The following CREB5 variants were observed in gnomAD, a reference collection of about 807,000 sequenced individuals.
CREB5 encodes the protein cyclic AMP-responsive element-binding protein 5.
Under a neutral mutation model 57.1 loss-of-function variants are expected in CREB5, and 19 were observed. The observed-to-expected ratio is 0.33, with a 90% confidence interval of 0.23 to 0.49. CREB5 has a LOEUF of 0.49. CREB5 is among the 20% of genes least tolerant of loss of function. The probability of loss-of-function intolerance (pLI) is 0.99; values close to 1 mark genes in which losing one functional copy is unlikely to be tolerated. For synonymous variants in CREB5, 238 were observed against 238.3 expected (o/e 1.00, Z 0.01); for missense variants, 579 against 671.6 (o/e 0.86, Z 1.52).
intron 4 of CREB5, among the ~76,000 whole-genome samples, chr7:28,521,892 C>T (rs1219609769): frequency 6.6e-6 from 1 of 152,074 alleles, no homozygotes; most frequent in Non-Finnish European, 1.5e-5. Flanking sequence ...TCACACTTTC[C>T]AAGAGAGAGA....
At chr7:28,418,308 TG>T (rs1325813213) in intron 1 of CREB5, among the ~76,000 whole-genome samples, 7 of 152,214 alleles carry the variant, frequency 4.6e-5, no homozygotes, top group Admixed American at 2.0e-4. Context: ...TTAATATACC[TG>T]TTTTTTATAA....
intron 2 of CREB5, 52 bp downstream of exon 2, chr7:28,488,298 G>A: frequency 6.4e-7 from 1 of 1,550,818 alleles, no homozygotes; most frequent in Non-Finnish European, 8.9e-7. Flanking sequence ...CTTTCCGAAA[G>A]GGAAGCAACT....
At chr7:28,555,748 CT>C (rs909923557) in intron 4 of CREB5, among the ~76,000 whole-genome samples, 29 of 152,204 alleles carry the variant, frequency 1.9e-4, no homozygotes, top group South Asian at 1.9e-3. Context: ...GTTACAAAGC[CT>C]TTTGTCCAGG....
intron 7 of CREB5, among the ~76,000 whole-genome samples, chr7:28,799,923 A>G (rs1808265926): frequency 6.6e-6 from 1 of 152,204 alleles, no homozygotes; most frequent in Non-Finnish European, 1.5e-5. Context: ...CAAGATTAAA[A>G]TGCTGCATTT....
chr7:28,336,208 T>A lies in CREB5; in HGVS notation c.-25+36767T>A, dbSNP rs113849330. On this transcript the variant is annotated intron_variant, in intron 1 of 9. Transcript: ENST00000396299. ...TTTGTATAAGGGTAATACTGGCCTC[T>A]TAGAATTAGTTTGAAAGTATTCTCT... 6.3e-3 allele frequency among the ~76,000 whole-genome samples: 965 copies of A among 152,180 alleles called. 5 individuals carry two copies. The highest frequency in any genetic ancestry group is 0.022 in the African/African-American group (910 of 41,570).
intron 5 of CREB5, among the ~76,000 whole-genome samples, chr7:28,591,095 A>G (rs963210122): frequency 1.3e-5 from 2 of 152,126 alleles, no homozygotes; most frequent in Non-Finnish European, 2.9e-5. Context: ...TCTCACATAA[A>G]ATGTCTACTT....
intron 5 of CREB5, among the ~76,000 whole-genome samples, chr7:28,684,936 C>T (rs554400660): frequency 1.3e-5 from 2 of 152,056 alleles, no homozygotes; most frequent in East Asian, 1.9e-4. Context: ...TTGTCATTGT[C>T]GTGGTGGAGC....
intron 1 of CREB5, among the ~76,000 whole-genome samples, chr7:28,370,943 G>A (rs1005508520): frequency 6.6e-6 from 1 of 152,194 alleles, no homozygotes; most frequent in Non-Finnish European, 1.5e-5. Flanking sequence ...AAACCTCTGA[G>A]GAAGCCACCA....
At chr7:28,657,717 G>GAAAAAA (rs59307921) in intron 5 of CREB5, among the ~76,000 whole-genome samples, 4 of 54,028 alleles carry the variant, frequency 7.4e-5, no homozygotes, top group African/African-American at 2.0e-4. Context: ...ACTCTCTCTC[G>GAAAAAA]AAAAAAAAAA....
intron 5 of CREB5, among the ~76,000 whole-genome samples, chr7:28,651,293 A>T (rs2128706750): frequency 6.6e-6 from 1 of 152,330 alleles, no homozygotes; most frequent in African/African-American, 2.4e-5. Flanking sequence ...TAAAAATAAT[A>T]CAAAGGGCTG....
chr7:28,724,751 G>A (rs116976465), intron 7 of CREB5: 2,433 of 153,762 alleles, frequency 0.016, 40 homozygotes, highest in Non-Finnish European at 0.025. Context: ...ACACACACTG[G>A]TATGAAAATG....
intron 7 of CREB5, among the ~76,000 whole-genome samples, chr7:28,730,060 C>G (rs1267692332): frequency 3.3e-5 from 5 of 152,186 alleles, no homozygotes; most frequent in African/African-American, 1.2e-4. Context: ...TCTTAAAACA[C>G]CGTGGTAGAG....
intron 5 of CREB5, among the ~76,000 whole-genome samples, chr7:28,622,273 A>G (rs939103432): frequency 6.6e-6 from 1 of 151,548 alleles, no homozygotes. Context: ...ACACACACAC[A>G]CACACACACA....
intron 1 of CREB5, among the ~76,000 whole-genome samples, chr7:28,300,485 A>G (rs550148563): frequency 3.3e-5 from 5 of 152,316 alleles, no homozygotes; most frequent in African/African-American, 1.2e-4. Flanking sequence ...GAACATGTCT[A>G]TGTGCCATGC....
At chr7:28,369,053 AAAACAAAC>A (rs147206865) in intron 1 of CREB5, among the ~76,000 whole-genome samples, 2 of 151,490 alleles carry the variant, frequency 1.3e-5, no homozygotes, top group South Asian at 4.2e-4. Context: ...TCAAAAAAAC[AAAACAAAC>A]AAACAAACAA....
intron 5 of CREB5, among the ~76,000 whole-genome samples, chr7:28,704,582 C>A (rs1224663373): frequency 2.6e-5 from 4 of 152,008 alleles, no homozygotes; most frequent in Non-Finnish European, 5.9e-5. Context: ...CCTTAGCCTC[C>A]CAAGTAGCTA....
At chr7:28,671,205 G>A (rs1033152261) in intron 5 of CREB5, among the ~76,000 whole-genome samples, 9 of 151,496 alleles carry the variant, frequency 5.9e-5, no homozygotes, top group African/African-American at 1.9e-4. Context: ...GCAGTGAGCC[G>A]TGATCTCACC....
intron 1 of CREB5, among the ~76,000 whole-genome samples, chr7:28,470,368 C>T (rs1326642235): frequency 1.3e-5 from 2 of 152,178 alleles, no homozygotes; most frequent in African/African-American, 4.8e-5. Flanking sequence ...ACATAGTGAC[C>T]TCCATTTTCA....
chr7:28,458,998 G>A (rs1790232648), intron 1 of CREB5, among the ~76,000 whole-genome samples: 1 of 152,132 alleles, frequency 6.6e-6, no homozygotes, highest in African/African-American at 2.4e-5. Context: ...CTGGGTCGAT[G>A]TTGTGCAGAT....
Sources: gnomAD v4.1 joint callset for allele counts (sites outside exome capture counted in the v4.1 genomes callset) on GRCh38, gnomAD v4.1.1 for gene constraint, MANE v1.5 for transcripts, NCBI Gene and HGNC (gene_info 2026-07-23, HGNC 2026-07-21) for gene names.